ERICH1: variants seen among roughly 807,000 people sequenced by gnomAD.
The protein encoded by ERICH1 is glutamate rich 1.
In ERICH1, 56 loss-of-function variants were observed where a neutral mutation model predicts 39.6. That is an observed-to-expected ratio of 1.41 (90% CI 1.14 to 1.77). The LOEUF (loss-of-function observed/expected upper bound fraction) is 1.77, where lower values mean the gene tolerates loss of function less well. ERICH1 is among the 40% of genes most tolerant of loss of function. The pLI is 0.00. For missense variants in ERICH1, 826 were observed against 575.4 expected (o/e 1.44, Z -4.45); for synonymous variants, 313 against 223.6 (o/e 1.40, Z -3.57).
intron 2 of ERICH1, among the ~76,000 whole-genome samples, chr8:703,443 C>T (rs990772688): frequency 2.0e-5 from 3 of 152,092 alleles, no homozygotes; most frequent in Admixed American, 1.3e-4. Context: ...AGAGGGGCCG[C>T]CAAGGAGCCT....
intron 3 of ERICH1, chr8:625,797 C>T (rs931092965): frequency 5.3e-5 from 8 of 152,168 alleles, no homozygotes; most frequent in East Asian, 1.9e-4. Flanking sequence ...CCCGCCTCGC[C>T]GGGCAATGAT....
intron 3 of ERICH1, among the ~76,000 whole-genome samples, chr8:622,401 G>C (rs1797339231): frequency 1.3e-5 from 2 of 152,130 alleles, no homozygotes; most frequent in Admixed American, 1.3e-4. Flanking sequence ...TTTTATAAAA[G>C]AGGCCCCCAA....
intron 2 of ERICH1, among the ~76,000 whole-genome samples, chr8:694,671 T>G (rs1809723330): frequency 6.6e-6 from 1 of 152,212 alleles, no homozygotes; most frequent in Admixed American, 6.5e-5. Context: ...CACGGCTTGC[T>G]CGTCTGTGAA....
At chr8:683,303 C>T (rs1163137808) in intron 3 of ERICH1, among the ~76,000 whole-genome samples, 2 of 152,124 alleles carry the variant, frequency 1.3e-5, no homozygotes, top group Non-Finnish European at 2.9e-5. Flanking sequence ...AATTCAGACC[C>T]AGCAGACAGG....
At chr8:626,730 C>T (rs1251001790) in intron 3 of ERICH1, 1 of 181,494 alleles carries the variant, frequency 5.5e-6, no homozygotes, top group Non-Finnish European at 1.2e-5. Context: ...CATCGCGATG[C>T]CATCCTCATC....
At chr8:618,824 C>T (rs935293106) in intron 3 of ERICH1, among the ~76,000 whole-genome samples, 1 of 152,108 alleles carries the variant, frequency 6.6e-6, no homozygotes, top group Non-Finnish European at 1.5e-5. Context: ...CAAGGTCCCC[C>T]AAACGCCTGA....
chr8:653,250 A>T (rs1339863236), intron 3 of ERICH1, among the ~76,000 whole-genome samples: 1 of 152,248 alleles, frequency 6.6e-6, no homozygotes, highest in Non-Finnish European at 1.5e-5. Flanking sequence ...GCTAACACGA[A>T]CTAAATGTGG....
At chr8:718,858 A>T (rs564845920) in intron 1 of ERICH1, among the ~76,000 whole-genome samples, 1 of 152,296 alleles carries the variant, frequency 6.6e-6, no homozygotes, top group South Asian at 2.1e-4. Flanking sequence ...AGCAGATTCG[A>T]GAGGGGTGGT....
intron 3 of ERICH1, among the ~76,000 whole-genome samples, chr8:650,673 G>A (rs1214236913): frequency 2.0e-5 from 3 of 152,164 alleles, no homozygotes; most frequent in Non-Finnish European, 2.9e-5. Context: ...GACATGAGGC[G>A]CAGGACGCAA....
At chr8:691,453 C>T (rs571129051) in intron 3 of ERICH1, among the ~76,000 whole-genome samples, 28 of 152,346 alleles carry the variant, frequency 1.8e-4, no homozygotes, top group South Asian at 1.0e-3. Context: ...ATGGACAACG[C>T]GGTACAACGG....
intron 4 of ERICH1, 145 bp from the exon 5 acceptor site, chr8:668,937 G>C (rs547294322): frequency 2.7e-6 from 2 of 743,526 alleles, no homozygotes; most frequent in East Asian, 5.4e-5. Flanking sequence ...TACCAGAAGA[G>C]AGAATCAGAA....
intron 3 of ERICH1, among the ~76,000 whole-genome samples, chr8:657,361 T>G (rs1185755765): frequency 1.3e-5 from 2 of 151,864 alleles, no homozygotes; most frequent in Non-Finnish European, 2.9e-5. Context: ...ATTGCAGGAC[T>G]GGAGTGTCTC....
In ERICH1 at chr8:700,439, T is replaced by G. The variant is rs1320373415; in HGVS notation, c.170-7827A>C. Among the ~76,000 whole-genome samples, 51 of 26,996 alleles carry G rather than the reference T, an allele frequency of 1.9e-3. 6 individuals carry two copies. The highest frequency in any genetic ancestry group is 2.9e-3 in the South Asian group (2 of 688). 17.7% of individuals were successfully genotyped at this position (26,996 alleles called of 152,430 possible). A position where few individuals can be genotyped will look rare whatever the true frequency, so the allele number is the denominator to read the frequency against. ...CAGGCCCGCAGACGCGCACAGGCCC[T>G]CACAGGCCACAGACCCGCACAGGCG... On this transcript the variant is annotated intron_variant, in intron 2 of 5. Coordinates refer to ENST00000262109, the MANE Select transcript of ERICH1 (RefSeq NM_207332.3).
rs576876989 is a variant in ERICH1, at chr8:677,193, G to A, written c.305-3146C>T. ...CACCCCATGACTCGATAAAGCAGTC[G>A]CATCGGTTTCTCTCACCCTGAAAAT... is the stretch of plus-strand genomic sequence containing the variant. On this transcript the variant is annotated intron_variant, in intron 3 of 5. Coordinates refer to ENST00000262109, the MANE Select transcript of ERICH1 (RefSeq NM_207332.3). Among the ~76,000 whole-genome samples, 214 of 152,296 alleles carry A rather than the reference G, an allele frequency of 1.4e-3. 1 individual carries two copies. The highest frequency in any genetic ancestry group is 4.9e-3 in the African/African-American group (205 of 41,572).
chr8:614,900 T>G (rs1240021959), exon 4 of ERICH1: 2 of 242,216 alleles, frequency 8.3e-6, no homozygotes, highest in Admixed American at 1.1e-4. Context: ...GGTTCCTCAG[T>G]TGCATGACAC....
At chr8:660,783 G>A (rs1563200034), downstream of ERICH1, among the ~76,000 whole-genome samples, 1 of 152,198 alleles carries the variant, frequency 6.6e-6, no homozygotes, top group Non-Finnish European at 1.5e-5. Flanking sequence ...TCAGGACAGC[G>A]CTAAGATCCG....
intron 3 of ERICH1, among the ~76,000 whole-genome samples, chr8:682,073 TGA>T (rs1806255709): frequency 1.0e-3 from 1 of 976 alleles, no homozygotes; most frequent in Admixed American, 6.9e-3. Flanking sequence ...CACTTTTCCA[TGA>T]TGAGTAGGTC....
chr8:630,199 C>G (rs1584958791), intron 3 of ERICH1, among the ~76,000 whole-genome samples: 1 of 105,844 alleles, frequency 9.4e-6, no homozygotes, highest in East Asian at 2.8e-4. Flanking sequence ...CCGTGACCAC[C>G]CAGAGCTGAC....
intron 2 of ERICH1, among the ~76,000 whole-genome samples, chr8:710,147 A>G (rs1318165226): frequency 6.6e-6 from 1 of 152,184 alleles, no homozygotes; most frequent in Non-Finnish European, 1.5e-5. Context: ...CCCGGTCTGC[A>G]GTTTACATTG....
Sources: allele counts gnomAD v4.1 joint callset (sites outside exome capture counted in the v4.1 genomes callset), GRCh38; gene constraint gnomAD v4.1.1; transcripts MANE v1.5; gene names NCBI Gene and HGNC (gene_info 2026-07-23, HGNC 2026-07-21).